The following RNF19A variants were observed in gnomAD, a reference collection of about 807,000 sequenced individuals.
RNF19A encodes the protein E3 ubiquitin-protein ligase RNF19A.
RNF19A carries 32 observed loss-of-function variants against 75.7 expected under a neutral mutation model. The ratio of observed to expected loss-of-function variants is 0.42; its 90% CI spans 0.32 to 0.57. The LOEUF is 0.57. Ranked by LOEUF, RNF19A falls within the 20% of genes least tolerant of loss-of-function variation. The pLI, the probability that RNF19A is intolerant of heterozygous loss-of-function variation, is 0.10. For synonymous variants in RNF19A, 335 were observed against 345.2 expected, an observed-to-expected ratio of 0.97 and a Z score of 0.33; for missense variants, 782 against 1,036.3, an observed-to-expected ratio of 0.75 and a Z score of 3.37.
intron 1 of RNF19A, among the ~76,000 whole-genome samples, chr8:100,294,196 A>T (rs1821439046): frequency 6.6e-6 from 1 of 152,204 alleles, no homozygotes. Context: ...GAGGCTCTGT[A>T]GTCTCTTGTC....
In RNF19A at chr8:100,325,053, C is replaced by T. The variant is rs1480482075; in HGVS notation, c.-243+11055G>A. On this transcript the variant is annotated intron_variant, in intron 1 of 3. Transcript: ENST00000519527. The surrounding 1 kb of genome is among the most constrained non-coding windows in gnomAD (Gnocchi z 4.3). ...TCTCGAGTAGCTGGAATTACAGGTG[C>T]CTACCACCACAACCGGCTAATTTTT... 6.6e-6 allele frequency among the ~76,000 whole-genome samples: 1 copy of T among 152,024 alleles called. No individual in the cohort carries two copies. The highest frequency in any genetic ancestry group is 1.5e-5 in the Non-Finnish European group (1 of 68,010).
intron 1 of RNF19A, among the ~76,000 whole-genome samples, chr8:100,297,797 T>A (rs769448743): frequency 1.6e-4 from 24 of 152,230 alleles, no homozygotes; most frequent in Non-Finnish European, 2.8e-4. Flanking sequence ...TCTATCTTAC[T>A]CACCTTAAAG....
intron 1 of RNF19A, among the ~76,000 whole-genome samples, chr8:100,290,594 C>T (rs900248154): frequency 7.9e-5 from 12 of 152,112 alleles, no homozygotes; most frequent in African/African-American, 2.4e-4. Flanking sequence ...TCATGTCCCT[C>T]GGTTTATATT....
intron 2 of RNF19A, among the ~76,000 whole-genome samples, chr8:100,282,860 G>C (rs993133664): frequency 6.6e-6 from 1 of 151,926 alleles, no homozygotes; most frequent in Non-Finnish European, 1.5e-5. Flanking sequence ...AATCCATTAA[G>C]AACAATATTC....
chr8:100,306,207 C>G (rs1469602879), intron 1 of RNF19A, among the ~76,000 whole-genome samples: 3 of 152,080 alleles, frequency 2.0e-5, no homozygotes, highest in African/African-American at 7.2e-5. Flanking sequence ...TTTTTTGAAC[C>G]AAAGACTCAG....
chr8:100,265,849 A>G (rs1044172642), intron 5 of RNF19A, among the ~76,000 whole-genome samples: 1 of 152,140 alleles, frequency 6.6e-6, no homozygotes, highest in African/African-American at 2.4e-5. Context: ...TTCCTTGTCA[A>G]TGAGCCTCCT....
Position 100,274,469 on chromosome 8 carries a change from A to C in RNF19A, c.883+484T>G, listed in dbSNP as rs1820407717. Among the ~76,000 whole-genome samples, 11 of 152,346 alleles carry C rather than the reference A, an allele frequency of 7.2e-5. No homozygotes were observed. In the South Asian group the frequency reaches 2.3e-3, roughly 32 times the overall value. On this transcript the variant is annotated intron_variant, in intron 3 of 9. Coordinates refer to ENST00000341084, the MANE Select transcript of RNF19A (RefSeq NM_183419.4). ...TATGTTACAAAAGTATTAAATGTCG[A>C]ACATTCTGTGTTAAAATTTCATGTG...
chr8:100,317,059 C>G lies in RNF19A; in HGVS notation c.-242-3687G>C, dbSNP rs1205245708. ...GCCCGGGACCAGCAGCGCTGCCCGG[C>G]TACTCTGAGTGCGGGGCCTGCCAAG... On this transcript the variant is annotated intron_variant, in intron 1 of 3. Transcript: ENST00000519527. This position sits in a 1 kb window ranked among gnomAD's most constrained non-coding sequence, Gnocchi z 4.3. Among the ~76,000 whole-genome samples the G allele has an allele frequency of 6.6e-6, 1 of 151,850 alleles. No individual in the cohort carries two copies. Among genetic ancestry groups the G allele is most frequent in the Admixed American group, 6.5e-5 (1 of 15,268 alleles).
intron 1 of RNF19A, among the ~76,000 whole-genome samples, chr8:100,302,480 A>C (rs1382781453): frequency 6.6e-6 from 1 of 152,220 alleles, no homozygotes; most frequent in African/African-American, 2.4e-5. Context: ...AGACATTTAT[A>C]CTTGAGATAT....
intron 1 of RNF19A, among the ~76,000 whole-genome samples, chr8:100,301,977 C>T (rs1161205091): frequency 6.6e-6 from 1 of 152,106 alleles, no homozygotes; most frequent in Non-Finnish European, 1.5e-5. Flanking sequence ...TGCAAAGCCC[C>T]TAAGGGAGGA....
intron 2 of RNF19A, among the ~76,000 whole-genome samples, chr8:100,283,676 G>A (rs1820886343): frequency 6.6e-6 from 1 of 152,146 alleles, no homozygotes; most frequent in South Asian, 2.1e-4. Context: ...CTCAAGGTGT[G>A]TTAAACTGTA....
At chr8:100,303,749 C>T (rs936864356) in intron 1 of RNF19A, among the ~76,000 whole-genome samples, 3 of 142,998 alleles carry the variant, frequency 2.1e-5, no homozygotes, top group Non-Finnish European at 4.5e-5. Context: ...CATGGCAAAA[C>T]CTCGCCGCTT....
intron 2 of RNF19A, among the ~76,000 whole-genome samples, chr8:100,278,564 T>A (rs1356043209): frequency 2.0e-5 from 3 of 152,168 alleles, no homozygotes; most frequent in Non-Finnish European, 4.4e-5. Context: ...ACAGCTAATA[T>A]GAACACTGAG....
chr8:100,331,563 G>C lies in RNF19A; in HGVS notation c.-243+4545C>G, dbSNP rs1269479675. 3.3e-5 allele frequency among the ~76,000 whole-genome samples: 5 copies of C among 152,174 alleles called. No homozygotes were observed. On this transcript the variant is annotated intron_variant, in intron 1 of 3. Coordinates refer to the RNF19A transcript ENST00000519527. The surrounding 1 kb of genome is among the most constrained non-coding windows in gnomAD (Gnocchi z 5.2). ...GAGGCAGGAGGATTGCTTGAGCCCA[G>C]GATGTCAAAGCTGCAGTGAGTCATG... is the stretch of plus-strand genomic sequence containing the variant.
chr8:100,275,189 A>C lies in RNF19A; in HGVS notation c.675-28T>G, dbSNP rs1820445842. On this transcript the variant is annotated intron_variant, in intron 2 of 9. Coordinates refer to ENST00000341084, the MANE Select transcript of RNF19A (RefSeq NM_183419.4). This position sits in a 1 kb window ranked among gnomAD's most constrained non-coding sequence, Gnocchi z 4.3. Reference sequence around the variant, plus strand: ...TGAAAGAACAAGAAAAATGATTTAAAATGTGACATAAAACAAGAGATACTC... The same window carrying C: ...TGAAAGAACAAGAAAAATGATTTAACATGTGACATAAAACAAGAGATACTC... 1 of 1,591,338 alleles carries C rather than the reference A, an allele frequency of 6.3e-7. No homozygotes were observed. The highest frequency in any genetic ancestry group is 1.3e-5 in the African/African-American group (1 of 74,538).
At chr8:100,277,405 G>A (rs764860428) in intron 2 of RNF19A, among the ~76,000 whole-genome samples, 1 of 151,948 alleles carries the variant, frequency 6.6e-6, no homozygotes, top group Non-Finnish European at 1.5e-5. Context: ...TCCACCTCCT[G>A]GGTTCAAGCT....
At chr8:100,294,552 G>A (rs544052193) in intron 1 of RNF19A, among the ~76,000 whole-genome samples, 1 of 152,042 alleles carries the variant, frequency 6.6e-6, no homozygotes, top group East Asian at 1.9e-4. Flanking sequence ...TCCTTTCTGC[G>A]ATTTATCCTA....
chr8:100,305,240 C>A (rs1436567116), intron 1 of RNF19A, among the ~76,000 whole-genome samples: 1 of 152,174 alleles, frequency 6.6e-6, no homozygotes, highest in African/African-American at 2.4e-5. Flanking sequence ...CAGTAACGCG[C>A]AAAGTCATTT....
chr8:100,258,910 TG>T lies in RNF19A; in HGVS notation c.2162del (p.Ala721GlufsTer16). The T allele has an allele frequency of 6.2e-7, 1 of 1,614,230 alleles. No homozygotes were observed. The highest frequency in any genetic ancestry group is 8.5e-7 in the Non-Finnish European group (1 of 1,180,034). ...CAGAAAAATGACTAGAGTGAGAATC[TG>T]CTACAGAAGGCATACTGTCACTGAG... ...PSLSDSMPSV[A>X]DSHSSHFSEF... is the part of the protein sequence containing the mutation. On this transcript the variant is annotated frameshift_variant, in exon 10 of 10. Coordinates refer to ENST00000341084, the MANE Select transcript of RNF19A (RefSeq NM_183419.4). LOFTEE classifies it high-confidence loss of function. This position sits in a 1 kb window ranked among gnomAD's most constrained non-coding sequence, Gnocchi z 4.3.
Sources: allele counts gnomAD v4.1 joint callset (sites outside exome capture counted in the v4.1 genomes callset), GRCh38; gene constraint gnomAD v4.1.1; non-coding constraint Gnocchi (gnomAD v3.1); transcripts MANE v1.5; gene names NCBI Gene and HGNC (gene_info 2026-07-23, HGNC 2026-07-21).